The following NIPA2 variants were observed in gnomAD, a reference collection of about 807,000 sequenced individuals.
NIPA2 encodes magnesium transporter NIPA2.
Under a neutral mutation model 29.7 loss-of-function variants are expected in NIPA2, and 11 were observed. The observed-to-expected ratio is 0.37, with a 90% CI of 0.23 to 0.61. NIPA2 has a LOEUF of 0.61. NIPA2 is among the 20% of genes least tolerant of loss of function. The pLI is 0.66. For synonymous variants in NIPA2, 183 were observed against 161.9 expected (o/e 1.13, Z -0.99); for missense variants, 426 against 437.9 (o/e 0.97, Z 0.24).
At chr15:22,861,193 T>G (rs1211659879) in intron 7 of NIPA2, among the ~76,000 whole-genome samples, 2 of 152,122 alleles carry the variant, frequency 1.3e-5, no homozygotes, top group Non-Finnish European at 2.9e-5. Flanking sequence ...GTTTGTGTAG[T>G]TTTTTATGAA....
intron 2 of NIPA2, among the ~76,000 whole-genome samples, chr15:22,841,330 A>G (rs1256415468): frequency 1.3e-5 from 2 of 152,304 alleles, no homozygotes; most frequent in African/African-American, 4.8e-5. Context: ...GCATCCTTAA[A>G]CATTTCTGCA....
chr15:22,844,634 G>A (rs1446336357), intron 2 of NIPA2, among the ~76,000 whole-genome samples: 1 of 152,014 alleles, frequency 6.6e-6, no homozygotes, highest in African/African-American at 2.4e-5. Context: ...ATACGCCTGT[G>A]GTCCTGTTGA....
At chr15:22,849,553 A>G (rs1162003979) in intron 3 of NIPA2, among the ~76,000 whole-genome samples, 5 of 146,304 alleles carry the variant, frequency 3.4e-5, no homozygotes, top group African/African-American at 1.3e-4. Context: ...TTTTCTTTCA[A>G]TGTTTCAGTA....
At chr15:22,862,078 GTTC>G (rs2058668453) in intron 7 of NIPA2, among the ~76,000 whole-genome samples, 1 of 76,578 alleles carries the variant, frequency 1.3e-5, no homozygotes, top group African/African-American at 4.9e-5. Context: ...ACAGAGTTTT[GTTC>G]TTCTTGCTCA....
chr15:22,858,673 A>G, intron 6 of NIPA2, 43 bp downstream of exon 6: 3 of 1,218,692 alleles, frequency 2.5e-6, no homozygotes, highest in Non-Finnish European at 2.3e-6. Context: ...TCGGTATCTT[A>G]GTTTCTAAAA....
chr15:22,851,766 T>A lies in NIPA2; in HGVS notation c.35T>A (p.Ile12Asn). ...SQGRGKYDFY[I>N]GLGLAMSSSI... The stretch of plus-strand genomic sequence containing the variant: ...GGGCGTGGAAAATATGACTTCTATA[T>A]TGGTCTGGGATTGGCTATGAGCTCC... Residue 12 changes from isoleucine to asparagine, a missense_variant, in exon 4 of 8, where the codon ATT (isoleucine) becomes AAT (asparagine). Around this residue, in one of 3 missense-constraint regions of NIPA2, gnomAD observed 57 missense variants for 66.6 expected, o/e 0.86. Coordinates refer to ENST00000337451, the MANE Select transcript of NIPA2 (RefSeq NM_030922.7). 6.2e-7 allele frequency: 1 copy of A among 1,613,452 alleles called. No homozygotes were observed. The highest frequency in any genetic ancestry group is 8.5e-7 in the Non-Finnish European group (1 of 1,179,734).
At chr15:22,844,503 G>A (rs957972047) in intron 2 of NIPA2, among the ~76,000 whole-genome samples, 2 of 152,014 alleles carry the variant, frequency 1.3e-5, no homozygotes, top group African/African-American at 4.8e-5. Flanking sequence ...GCAGTGAGCC[G>A]AGATGGCGCC....
intron 7 of NIPA2, among the ~76,000 whole-genome samples, chr15:22,865,116 C>T (rs995431086): frequency 1.3e-5 from 2 of 151,854 alleles, no homozygotes; most frequent in Non-Finnish European, 2.9e-5. Context: ...CCATCCTCGG[C>T]CTCCCAGTGC....
chr15:22,866,186 C>A (rs764788126), intron 7 of NIPA2, 27 bp from the exon 8 acceptor site: 3 of 1,593,436 alleles, frequency 1.9e-6, no homozygotes, highest in Admixed American at 3.4e-5. Context: ...CCATTTGACT[C>A]ATGTAACTTT....
At chr15:22,864,128 G>A (rs2058803959) in intron 7 of NIPA2, among the ~76,000 whole-genome samples, 1 of 151,732 alleles carries the variant, frequency 6.6e-6, no homozygotes, top group Non-Finnish European at 1.5e-5. Flanking sequence ...TGTTTGTTTT[G>A]GCTTCTCTCC....
At chr15:22,845,370 A>G (rs1264219555) in intron 3 of NIPA2, 103 bp downstream of exon 3, 4 of 152,166 alleles carry the variant, frequency 2.6e-5, no homozygotes, top group Non-Finnish European at 5.9e-5. Context: ...AGCCCTCCAC[A>G]CATACACCCT....
chr15:22,865,528 T>G (rs1303444993), intron 7 of NIPA2, among the ~76,000 whole-genome samples: 1 of 152,070 alleles, frequency 6.6e-6, no homozygotes, highest in African/African-American at 2.4e-5. Flanking sequence ...TTAGTGGAAT[T>G]TGAGGAAGGA....
intron 4 of NIPA2, among the ~76,000 whole-genome samples, chr15:22,852,646 A>G (rs17137387): frequency 0.21 from 31,249 of 151,948 alleles, 3,453 homozygotes; most frequent in Admixed American, 0.31. Context: ...TTGTTTCTCT[A>G]GAAATCACTG....
intron 3 of NIPA2, among the ~76,000 whole-genome samples, chr15:22,848,489 G>T (rs1353735782): frequency 6.6e-6 from 1 of 151,958 alleles, no homozygotes; most frequent in Non-Finnish European, 1.5e-5. Flanking sequence ...CAGCCTCCTG[G>T]TGTGTACCAC....
At chr15:22,853,896 C>T (rs377264552) in intron 5 of NIPA2, among the ~76,000 whole-genome samples, 4 of 151,960 alleles carry the variant, frequency 2.6e-5, no homozygotes, top group Non-Finnish European at 4.4e-5. Context: ...TGGCCCATCT[C>T]GGCTCACTGC....
chr15:22,842,316 A>G (rs530066197), intron 2 of NIPA2, among the ~76,000 whole-genome samples: 152 of 152,288 alleles, frequency 1.0e-3, no homozygotes, highest in African/African-American at 3.6e-3. Context: ...AATATGGAGG[A>G]GGAAAGGTAG....
chr15:22,863,499 T>C (rs17841102), intron 7 of NIPA2, among the ~76,000 whole-genome samples: 10,042 of 152,252 alleles, frequency 0.066, 659 homozygotes, highest in East Asian at 0.39. Context: ...CCTCAGTAAC[T>C]TGAGACACTA....
At chr15:22,839,948 G>GC (rs533417979) in intron 2 of NIPA2, among the ~76,000 whole-genome samples, 158 bp downstream of exon 2, 181 of 152,228 alleles carry the variant, frequency 1.2e-3, no homozygotes, top group African/African-American at 3.9e-3. Flanking sequence ...ATTTTTCTGA[G>GC]CCAAGGTCTT....
intron 6 of NIPA2, 71 bp from the exon 7 acceptor site, chr15:22,860,558 G>T (rs549973392): frequency 1.0e-6 from 1 of 974,644 alleles, no homozygotes; most frequent in Non-Finnish European, 1.5e-6. Flanking sequence ...TTTAAATTAC[G>T]AGTTTTATTG....
Sources: allele counts gnomAD v4.1 joint callset (sites outside exome capture counted in the v4.1 genomes callset), GRCh38; gene constraint gnomAD v4.1.1; regional missense constraint gnomAD v4.1.1; transcripts MANE v1.5; gene names NCBI Gene and HGNC (gene_info 2026-07-23, HGNC 2026-07-21).